Variants in SRBD1 observed in about 807,000 individuals in gnomAD.
SRBD1 encodes S1 RNA-binding domain-containing protein 1.
Under a neutral mutation model 115.3 loss-of-function variants are expected in SRBD1, and 88 were observed. That is an observed-to-expected ratio of 0.76 (90% CI 0.64 to 0.91). The LOEUF is 0.91. Among genes scored for constraint, SRBD1 ranks in the 40% least tolerant of loss-of-function variants. The pLI is 0.00. For synonymous variants in SRBD1, 509 were observed against 407.7 expected (o/e 1.25, Z -2.99); for missense variants, 1,385 against 1,177.4 (o/e 1.18, Z -2.58).
chr2:45,438,004 T>C lies in SRBD1; in HGVS notation c.2050-18110A>G, dbSNP rs76504677. Reference sequence around the variant, plus strand: ...ACCCATAATGTGTAACATTATACCATAATGTAAACTATTAACTTTGACTGA... The same window carrying C: ...ACCCATAATGTGTAACATTATACCACAATGTAAACTATTAACTTTGACTGA... On this transcript the variant is annotated intron_variant, in intron 16 of 20. Transcript: ENST00000263736. Among the ~76,000 whole-genome samples, 415 of 152,290 alleles carry C rather than the reference T, an allele frequency of 2.7e-3. 15 individuals are homozygous for C. The East Asian group carries it at 0.07, about 26-fold the overall frequency.
chr2:45,513,908 T>G (rs1198776227), intron 14 of SRBD1, among the ~76,000 whole-genome samples: 1 of 152,110 alleles, frequency 6.6e-6, no homozygotes, highest in East Asian at 1.9e-4. Flanking sequence ...AGCTACCATA[T>G]TAAAACAATG....
intron 16 of SRBD1, chr2:45,447,794 A>G (rs1668872578): frequency 6.6e-6 from 1 of 152,234 alleles, no homozygotes; most frequent in Non-Finnish European, 1.5e-5. Flanking sequence ...AAAGCTGAGT[A>G]TATCAGAATT....
intron 19 of SRBD1, among the ~76,000 whole-genome samples, chr2:45,407,734 G>C (rs1367168284): frequency 6.6e-6 from 1 of 152,042 alleles, no homozygotes; most frequent in African/African-American, 2.4e-5. Context: ...AAAAGTTTTA[G>C]TTCATAACAA....
At chr2:45,491,038 GTA>G (rs542954290) in intron 14 of SRBD1, among the ~76,000 whole-genome samples, 4 of 152,082 alleles carry the variant, frequency 2.6e-5, no homozygotes, top group African/African-American at 9.7e-5. Context: ...GACTGAAGAA[GTA>G]TATGTGACTA....
At chr2:45,440,360 G>A (rs574561656) in intron 16 of SRBD1, among the ~76,000 whole-genome samples, 56 of 152,282 alleles carry the variant, frequency 3.7e-4, no homozygotes, top group Non-Finnish European at 7.5e-4. Context: ...CGATATGGTG[G>A]ACGAATGATA....
intron 14 of SRBD1, among the ~76,000 whole-genome samples, chr2:45,541,625 G>A (rs1671941826): frequency 6.6e-6 from 1 of 152,252 alleles, no homozygotes; most frequent in African/African-American, 2.4e-5. Flanking sequence ...GCTCTCAGCA[G>A]AGAGGAGACC....
intron 14 of SRBD1, among the ~76,000 whole-genome samples, chr2:45,493,358 C>T (rs919662399): frequency 6.6e-6 from 1 of 152,064 alleles, no homozygotes; most frequent in African/African-American, 2.4e-5. Flanking sequence ...GAGACAAGGC[C>T]AAAAACTAAA....
At chr2:45,513,851 G>A (rs1009258490) in intron 14 of SRBD1, among the ~76,000 whole-genome samples, 2 of 152,060 alleles carry the variant, frequency 1.3e-5, no homozygotes, top group African/African-American at 4.8e-5. Context: ...AAAAATTAAA[G>A]GATGCTAAAG....
intron 16 of SRBD1, among the ~76,000 whole-genome samples, chr2:45,450,525 C>T (rs1389491044): frequency 6.6e-6 from 1 of 152,094 alleles, no homozygotes; most frequent in African/African-American, 2.4e-5. Context: ...TGCTCTGTAA[C>T]ATTAGTTATC....
intron 16 of SRBD1, among the ~76,000 whole-genome samples, chr2:45,475,530 C>G (rs1299672804): frequency 6.6e-6 from 1 of 152,212 alleles, no homozygotes; most frequent in East Asian, 1.9e-4. Flanking sequence ...TAGGTCTCCA[C>G]TATTTACTTA....
At chr2:45,552,653 A>G (rs1672339490) in intron 11 of SRBD1, among the ~76,000 whole-genome samples, 1 of 152,342 alleles carries the variant, frequency 6.6e-6, no homozygotes, top group African/African-American at 2.4e-5. Flanking sequence ...TGTATGCCCT[A>G]GCTCTCAAAA....
intron 19 of SRBD1, among the ~76,000 whole-genome samples, chr2:45,399,804 G>A (rs1239812126): frequency 6.6e-6 from 1 of 152,132 alleles, no homozygotes; most frequent in Non-Finnish European, 1.5e-5. Context: ...AAAGGCTACA[G>A]ACTCTCTACA....
At chr2:45,492,117 A>G (rs1670314891) in intron 14 of SRBD1, among the ~76,000 whole-genome samples, 1 of 152,150 alleles carries the variant, frequency 6.6e-6, no homozygotes, top group Non-Finnish European at 1.5e-5. Flanking sequence ...CACTACGCCC[A>G]GTACAAAAAT....
chr2:45,435,682 T>G (rs977280482), intron 16 of SRBD1, among the ~76,000 whole-genome samples: 5 of 152,184 alleles, frequency 3.3e-5, no homozygotes, highest in African/African-American at 1.2e-4. Flanking sequence ...AGAGACCTCG[T>G]TGAACACCCC....
At chr2:45,434,179 C>A (rs1375731030) in intron 16 of SRBD1, among the ~76,000 whole-genome samples, 3 of 152,184 alleles carry the variant, frequency 2.0e-5, no homozygotes, top group Non-Finnish European at 2.9e-5. Context: ...CAGAAGGATC[C>A]TTGGGACAAT....
intron 17 of SRBD1, among the ~76,000 whole-genome samples, chr2:45,419,516 C>T (rs1164767629): frequency 6.6e-6 from 1 of 152,140 alleles, no homozygotes; most frequent in African/African-American, 2.4e-5. Context: ...CCATGTTAAC[C>T]TTATTTAAAT....
chr2:45,609,823 T>G (rs1420540630), intron 1 of SRBD1, among the ~76,000 whole-genome samples: 1 of 152,226 alleles, frequency 6.6e-6, no homozygotes, highest in East Asian at 1.9e-4. Flanking sequence ...CAATCTGTAA[T>G]TATTTTTATT....
intron 18 of SRBD1, among the ~76,000 whole-genome samples, chr2:45,415,694 GAGA>G (rs1462232886): frequency 0.021 from 91 of 4,268 alleles, 11 homozygotes; most frequent in Middle Eastern, 0.1. Context: ...GACGGGAGAG[GAGA>G]GGAGAGGAGA....
At position 45,392,931 on chromosome 2, in the gene SRBD1, G is replaced by C. The variant is rs760883283; in HGVS notation, c.2698+14C>G. The stretch of plus-strand genomic sequence containing the variant: ...GCAAATGCAAGGTGCTATAATTCAA[G>C]TTCAACTGTTTACCTGTTCGAAAGT... On this transcript the variant is annotated intron_variant, in intron 20 of 20. Coordinates refer to ENST00000263736, the MANE Select transcript of SRBD1 (RefSeq NM_018079.5). 3 of 1,587,054 alleles carry C rather than the reference G, an allele frequency of 1.9e-6. No homozygotes were observed. The highest frequency in any genetic ancestry group is 2.6e-6 in the Non-Finnish European group (3 of 1,164,562).
Sources: allele counts gnomAD v4.1 joint callset (sites outside exome capture counted in the v4.1 genomes callset), GRCh38; gene constraint gnomAD v4.1.1; transcripts MANE v1.5; gene names NCBI Gene and HGNC (gene_info 2026-07-23, HGNC 2026-07-21).